The following TAFA4 variants were observed in gnomAD, a reference collection of about 807,000 sequenced individuals.
TAFA4 encodes the protein TAFA chemokine like family member 4, also known as chemokine-like protein TAFA-4.
A neutral mutation model predicts 21.1 loss-of-function variants in TAFA4; 20 were observed. The ratio of observed to expected loss-of-function variants is 0.95; its 90% CI spans 0.67 to 1.38. The LOEUF (loss-of-function observed/expected upper bound fraction) is 1.38. TAFA4 is among the 40% of genes most tolerant of loss of function. The probability of loss-of-function intolerance (pLI) is 0.00; values close to 1 mark genes in which losing one functional copy is unlikely to be tolerated. For synonymous variants in TAFA4, 71 were observed against 67.4 expected (o/e 1.05, Z -0.26); for missense variants, 211 against 180.9 (o/e 1.17, Z -0.95).
chr3:68,886,649 A>G (rs1012864763), intron 1 of TAFA4, among the ~76,000 whole-genome samples: 8 of 152,182 alleles, frequency 5.3e-5, no homozygotes, highest in African/African-American at 1.9e-4. Context: ...ATGCGACCTA[A>G]TAGTTCATAT....
intron 3 of TAFA4, among the ~76,000 whole-genome samples, chr3:68,870,478 C>T (rs1018837983): frequency 4.6e-5 from 7 of 152,148 alleles, no homozygotes; most frequent in Non-Finnish European, 7.4e-5. Context: ...GTAATTAAAA[C>T]AGCATGGTAC....
intron 3 of TAFA4, among the ~76,000 whole-genome samples, chr3:68,878,025 A>T (rs760756993): frequency 2.3e-4 from 35 of 152,222 alleles, no homozygotes; most frequent in Non-Finnish European, 4.4e-4. Context: ...CACAGCCAGG[A>T]TGTACCAGAA....
Position 68,811,445 on chromosome 3 carries a change from A to T in TAFA4, c.131-58427T>A, listed in dbSNP as rs1270177274. Among the ~76,000 whole-genome samples, 4 of 152,282 alleles carry T rather than the reference A, an allele frequency of 2.6e-5. No homozygotes were observed. The East Asian group carries it at 7.7e-4, about 29-fold the overall frequency. The stretch of plus-strand genomic sequence containing the variant: ...CTTGAAAACAAAATTAGAAGAATGG[A>T]TAACTAGAATAACCAATGCAGAGAA... On this transcript the variant is annotated intron_variant, in intron 3 of 5. Transcript: ENST00000295569.
intron 3 of TAFA4, among the ~76,000 whole-genome samples, chr3:68,864,711 GGATA>G (rs1178193469): frequency 1.3e-5 from 2 of 152,026 alleles, no homozygotes; most frequent in East Asian, 3.9e-4. Flanking sequence ...ACAAGTGAAT[GGATA>G]AACAACGTGT....
At chr3:68,787,279 AC>A (rs998047557) in intron 3 of TAFA4, among the ~76,000 whole-genome samples, 1 of 151,494 alleles carries the variant, frequency 6.6e-6, no homozygotes, top group African/African-American at 2.4e-5. Flanking sequence ...CAACAAACTA[AC>A]CCCCTACACT....
At chr3:68,762,962 C>A (rs921417396) in intron 3 of TAFA4, among the ~76,000 whole-genome samples, 5 of 152,212 alleles carry the variant, frequency 3.3e-5, no homozygotes, top group African/African-American at 9.6e-5. Context: ...CACTTCAACC[C>A]AGGAGGTGGA....
intron 3 of TAFA4, among the ~76,000 whole-genome samples, chr3:68,814,637 C>A (rs990231552): frequency 6.6e-6 from 1 of 152,118 alleles, no homozygotes. Flanking sequence ...AGGAGAACTA[C>A]AAACCACTGC....
intron 3 of TAFA4, among the ~76,000 whole-genome samples, chr3:68,801,107 G>A (rs1033969332): frequency 6.6e-6 from 1 of 152,064 alleles, no homozygotes; most frequent in Non-Finnish European, 1.5e-5. Flanking sequence ...ACTTCTTCTG[G>A]ATTTAAATCC....
At chr3:68,823,431 G>A (rs1045613712) in intron 3 of TAFA4, among the ~76,000 whole-genome samples, 3 of 152,070 alleles carry the variant, frequency 2.0e-5, no homozygotes, top group Non-Finnish European at 4.4e-5. Context: ...TTTGAGGCCT[G>A]CTACAAGATT....
chr3:68,884,121 A>G (rs934952798), intron 2 of TAFA4, among the ~76,000 whole-genome samples: 2 of 152,224 alleles, frequency 1.3e-5, no homozygotes, highest in African/African-American at 2.4e-5. Flanking sequence ...AAAAGAAACA[A>G]AAGTTTATTT....
chr3:68,907,352 A>G (rs1378177187), intron 1 of TAFA4, among the ~76,000 whole-genome samples: 1 of 152,170 alleles, frequency 6.6e-6, no homozygotes, highest in African/African-American at 2.4e-5. Context: ...GCTTTGGAGA[A>G]TGCCTGGATC....
chr3:68,868,190 G>C (rs1307571826), intron 3 of TAFA4, among the ~76,000 whole-genome samples: 3 of 152,028 alleles, frequency 2.0e-5, no homozygotes, highest in African/African-American at 7.2e-5. Flanking sequence ...AAAAGAGCAG[G>C]AGTAGCTAAC....
intron 3 of TAFA4, among the ~76,000 whole-genome samples, chr3:68,859,556 T>C (rs2089303668): frequency 4.6e-5 from 7 of 152,150 alleles, no homozygotes; most frequent in Admixed American, 4.6e-4. Context: ...CACCACAAAA[T>C]GCTAATAATA....
chr3:68,823,363 T>A (rs1227271039), intron 3 of TAFA4, among the ~76,000 whole-genome samples: 1 of 152,204 alleles, frequency 6.6e-6, no homozygotes, highest in African/African-American at 2.4e-5. Context: ...ACATCTCAGT[T>A]ATTGCAGATA....
chr3:68,809,185 A>C (rs79134338), intron 3 of TAFA4, among the ~76,000 whole-genome samples: 13,105 of 152,324 alleles, frequency 0.086, 684 homozygotes, highest in African/African-American at 0.14. Flanking sequence ...CATGGTTAGC[A>C]ACAATCCATT....
chr3:68,875,752 T>C (rs906836336), intron 3 of TAFA4, among the ~76,000 whole-genome samples: 3 of 152,226 alleles, frequency 2.0e-5, no homozygotes, highest in South Asian at 2.1e-4. Context: ...ACACACACAC[T>C]GTCAAATTAC....
chr3:68,898,426 G>A (rs2089813033), intron 1 of TAFA4, among the ~76,000 whole-genome samples: 1 of 152,206 alleles, frequency 6.6e-6, no homozygotes, highest in African/African-American at 2.4e-5. Context: ...GCCAAGGTGG[G>A]CGGATCACCT....
chr3:68,819,637 C>A (rs1400304577), intron 3 of TAFA4, among the ~76,000 whole-genome samples: 1 of 152,142 alleles, frequency 6.6e-6, no homozygotes, highest in Non-Finnish European at 1.5e-5. Flanking sequence ...TTTTTTTAAA[C>A]AGTCCAAGGA....
At chr3:68,852,232 T>C (rs984595678) in intron 3 of TAFA4, among the ~76,000 whole-genome samples, 2 of 152,130 alleles carry the variant, frequency 1.3e-5, no homozygotes, top group Non-Finnish European at 2.9e-5. Context: ...TGCCATGTAA[T>C]GCTAGGAGGG....
Sources: gnomAD v4.1 joint callset for allele counts (sites outside exome capture counted in the v4.1 genomes callset) on GRCh38, gnomAD v4.1.1 for gene constraint, MANE v1.5 for transcripts, NCBI Gene and HGNC (gene_info 2026-07-23, HGNC 2026-07-21) for gene names.